The following NXPE2 variants were observed in gnomAD, a reference collection of about 807,000 sequenced individuals.
The protein encoded by NXPE2 is neurexophilin and PC-esterase domain family member 2.
Under a neutral mutation model 34.4 loss-of-function variants are expected in NXPE2, and 34 were observed. The ratio of observed to expected loss-of-function variants is 0.99; its 90% confidence interval spans 0.75 to 1.31. The LOEUF (loss-of-function observed/expected upper bound fraction) is 1.31. Ranked by LOEUF, NXPE2 falls within the 40% of genes most tolerant of loss-of-function variation. The pLI, the probability that NXPE2 is intolerant of heterozygous loss-of-function variation, is 0.00. For synonymous variants in NXPE2, 235 were observed against 231.3 expected (o/e 1.02, Z -0.15); for missense variants, 649 against 672.5 (o/e 0.97, Z 0.39).
At chr11:114,571,001 A>G in the NXPE2 span, 54 of 1,613,132 alleles carry the variant, frequency 3.3e-5, no homozygotes, top group Non-Finnish European at 4.6e-5. Context: ...GTGGGTGTAC[A>G]TTATTTGTGC....
At chr11:114,582,554 C>A in the NXPE2 span, 1 of 1,614,172 alleles carries the variant, frequency 6.2e-7, no homozygotes, top group Non-Finnish European at 8.5e-7. Flanking sequence ...AGAGAGCTGA[C>A]ACCCCTTCAC....
chr11:114,796,045 G>C, the NXPE2 span, among the ~76,000 whole-genome samples: 1 of 152,184 alleles, frequency 6.6e-6, no homozygotes, highest in Non-Finnish European at 1.5e-5. Flanking sequence ...AAAGGACATA[G>C]GACTTGGATT....
chr11:114,514,700 T>C, the NXPE2 span, among the ~76,000 whole-genome samples: 1 of 152,208 alleles, frequency 6.6e-6, no homozygotes, highest in African/African-American at 2.4e-5. Flanking sequence ...TGATTTTCTT[T>C]ACATAACACA....
chr11:114,539,716 A>G, the NXPE2 span, among the ~76,000 whole-genome samples: 1 of 152,204 alleles, frequency 6.6e-6, no homozygotes, highest in Non-Finnish European at 1.5e-5. Flanking sequence ...AAAAAATACT[A>G]GCCCTAGTGT....
chr11:114,780,428 C>T, the NXPE2 span, among the ~76,000 whole-genome samples: 1 of 152,164 alleles, frequency 6.6e-6, no homozygotes, highest in African/African-American at 2.4e-5. Flanking sequence ...TGAGGAGAGG[C>T]ACAGGAAGGG....
the NXPE2 span, among the ~76,000 whole-genome samples, chr11:114,741,544 A>G: frequency 6.6e-6 from 1 of 151,864 alleles, no homozygotes; most frequent in African/African-American, 2.4e-5. Context: ...ATTTCAAATG[A>G]TTTGTCTTCA....
At chr11:114,774,261 G>A in the NXPE2 span, among the ~76,000 whole-genome samples, 1 of 152,212 alleles carries the variant, frequency 6.6e-6, no homozygotes, top group South Asian at 2.1e-4. Context: ...ACATGGAAAT[G>A]CAGAGAAAAA....
At chr11:114,660,995 AAC>A in the NXPE2 span, among the ~76,000 whole-genome samples, 44 of 152,182 alleles carry the variant, frequency 2.9e-4, no homozygotes, top group Non-Finnish European at 4.7e-4. Context: ...TAAAATTAAT[AAC>A]ACAGCATGAT....
the NXPE2 span, among the ~76,000 whole-genome samples, chr11:114,728,238 T>G: frequency 6.6e-6 from 1 of 152,080 alleles, no homozygotes; most frequent in Non-Finnish European, 1.5e-5. Context: ...AGTTTCTCAT[T>G]TCAAGGTTCT....
chr11:114,779,736 G>C, the NXPE2 span, among the ~76,000 whole-genome samples: 1 of 152,076 alleles, frequency 6.6e-6, no homozygotes, highest in Admixed American at 6.5e-5. Flanking sequence ...AGACAGGAAG[G>C]AGGGCTCAGT....
chr11:114,628,342 A>G, the NXPE2 span, among the ~76,000 whole-genome samples: 2 of 152,158 alleles, frequency 1.3e-5, 1 homozygote, highest in African/African-American at 4.8e-5. Flanking sequence ...AGTGCAATCA[A>G]ACTAGAACTC....
the NXPE2 span, among the ~76,000 whole-genome samples, chr11:114,536,100 A>T: frequency 6.6e-6 from 1 of 152,144 alleles, no homozygotes; most frequent in Non-Finnish European, 1.5e-5. Context: ...CCACAGTGCA[A>T]TCAAACTAGA....
In NXPE2 at chr11:114,679,652, T is replaced by C; in HGVS notation, c.27-5T>C. ...TGTGATTATTTCTCCTGTCCTTTCT[T>C]ATAGGATACTCACTTTGTTTCCAAA... On this transcript the variant is annotated splice_region_variant and splice_polypyrimidine_tract_variant and intron_variant, in intron 1 of 5. Coordinates refer to ENST00000389586, the MANE Select transcript of NXPE2 (RefSeq NM_182495.6). The C allele has an allele frequency of 1.3e-6, 2 of 1,519,936 alleles. No individual in the cohort carries two copies. The highest frequency in any genetic ancestry group is 1.8e-6 in the Non-Finnish European group (2 of 1,119,030). The allele number at this position is 1,519,936 out of a possible 1,614,324, so 94.2% of individuals were successfully genotyped here.
chr11:114,522,824 A>T, the NXPE2 span: 1 of 1,314,794 alleles, frequency 7.6e-7, no homozygotes, highest in Non-Finnish European at 1.1e-6. Flanking sequence ...AGACCTCATT[A>T]AAAGTACTTT....
At chr11:114,722,270 T>C in the NXPE2 span, among the ~76,000 whole-genome samples, 690 of 152,266 alleles carry the variant, frequency 4.5e-3, 5 homozygotes, top group African/African-American at 0.016. Context: ...TCATGAGATC[T>C]AATGGTTTTA....
chr11:114,627,143 C>T, the NXPE2 span, among the ~76,000 whole-genome samples: 57 of 151,962 alleles, frequency 3.8e-4, no homozygotes, highest in African/African-American at 1.2e-3. Context: ...GGCAGGCCAA[C>T]GTTCAGATTC....
At chr11:114,555,814 T>C in the NXPE2 span, among the ~76,000 whole-genome samples, 1 of 152,258 alleles carries the variant, frequency 6.6e-6, no homozygotes, top group Non-Finnish European at 1.5e-5. Flanking sequence ...CTTGGACTTA[T>C]GATTATGTTT....
the NXPE2 span, among the ~76,000 whole-genome samples, chr11:114,481,028 G>A: frequency 1.3e-5 from 2 of 152,090 alleles, no homozygotes; most frequent in Non-Finnish European, 2.9e-5. Context: ...GATTTGTCGA[G>A]GTCCCGTCAT....
At chr11:114,787,512 G>A in the NXPE2 span, among the ~76,000 whole-genome samples, 47 of 152,124 alleles carry the variant, frequency 3.1e-4, no homozygotes, top group African/African-American at 1.1e-3. Flanking sequence ...AAATATTACC[G>A]TCTAAGACGG....
Sources: gnomAD v4.1 joint callset for allele counts (sites outside exome capture counted in the v4.1 genomes callset) on GRCh38, gnomAD v4.1.1 for gene constraint, MANE v1.5 for transcripts, NCBI Gene and HGNC (gene_info 2026-07-23, HGNC 2026-07-21) for gene names.